CCDC6: variants seen among roughly 807,000 people sequenced by gnomAD.
CCDC6 encodes coiled-coil domain-containing protein 6.
In CCDC6, 20 loss-of-function variants were observed where a neutral mutation model predicts 56.6. That is an observed-to-expected ratio of 0.35 (90% CI 0.25 to 0.51). CCDC6 has a LOEUF of 0.51. Among genes scored for constraint, CCDC6 ranks in the 20% least tolerant of loss-of-function variants. The probability of loss-of-function intolerance (pLI) is 0.95; values close to 1 mark genes in which losing one functional copy is unlikely to be tolerated. For synonymous variants in CCDC6, 241 were observed against 234.4 expected, an observed-to-expected ratio of 1.03 and a Z score of -0.26; for missense variants, 367 against 601.1, an observed-to-expected ratio of 0.61 and a Z score of 4.07.
intron 7 of CCDC6, among the ~76,000 whole-genome samples, chr10:59,797,650 ATGAG>A (rs1165976706): frequency 1.6e-5 from 2 of 125,540 alleles, no homozygotes; most frequent in Non-Finnish European, 3.2e-5. Context: ...GAGTGTGGGC[ATGAG>A]TGAGTGAGAG....
intron 1 of CCDC6, among the ~76,000 whole-genome samples, chr10:59,862,516 T>TATATACACAC (rs1554886091): frequency 4.1e-5 from 4 of 97,204 alleles, no homozygotes; most frequent in African/African-American, 2.0e-4. Context: ...TATATATATA[T>TATATACACAC]ACACACACAC....
At chr10:59,897,100 A>G (rs1185710882) in intron 1 of CCDC6, among the ~76,000 whole-genome samples, 1 of 152,178 alleles carries the variant, frequency 6.6e-6, no homozygotes, top group African/African-American at 2.4e-5. Flanking sequence ...TTTTTCCTCA[A>G]AGATTAGTAG....
rs190979879 is a variant in CCDC6, at chr10:59,829,758, T to C, written c.582+2767A>G. ...CAGTTGCTTAGAGGTTATAGGGGAT[T>C]AGAGGTGACAGATGAATGGTACGGG... On this transcript the variant is annotated intron_variant, in intron 3 of 8. Transcript: ENST00000263102. Among the ~76,000 whole-genome samples the C allele has an allele frequency of 2.3e-3, 347 of 152,276 alleles. 5 individuals are homozygous for C. Among genetic ancestry groups the C allele is most frequent in the Admixed American group, 0.021 (321 of 15,288 alleles).
chr10:59,829,382 G>T (rs2070816190), intron 3 of CCDC6, among the ~76,000 whole-genome samples: 1 of 152,194 alleles, frequency 6.6e-6, no homozygotes, highest in African/African-American at 2.4e-5. Flanking sequence ...CAATTTTAAG[G>T]AGAGTTACCA....
intron 5 of CCDC6, among the ~76,000 whole-genome samples, chr10:59,809,471 C>T (rs2070655097): frequency 6.6e-6 from 1 of 152,154 alleles, no homozygotes; most frequent in African/African-American, 2.4e-5. Context: ...GACAGAGGCA[C>T]AGAGAAGGCA....
Position 59,790,950 on chromosome 10 carries a change from T to C in CCDC6, c.*1967A>G, listed in dbSNP as rs773177296. ...TTGAAATCTATAATCTCATAAAAGA[T>C]TCTTATAAACATATACCATATTTCT... is the stretch of plus-strand genomic sequence containing the variant. On this transcript the variant is annotated 3_prime_UTR_variant, in exon 9 of 9. Transcript: ENST00000263102. 10 of 202,934 alleles carry C rather than the reference T, an allele frequency of 4.9e-5. No individual in the cohort carries two copies. Among genetic ancestry groups the C allele is most frequent in the Non-Finnish European group, 9.1e-5 (9 of 98,662 alleles). 12.6% of individuals were successfully genotyped at this position (202,934 alleles called of 1,614,324 possible).
intron 5 of CCDC6, 31 bp downstream of exon 5, chr10:59,812,604 C>T: frequency 2.0e-6 from 3 of 1,530,914 alleles, no homozygotes; most frequent in Non-Finnish European, 2.7e-6. Flanking sequence ...ATTCTACAGG[C>T]ATGAAACTAG....
rs547122591 is a variant in CCDC6, at chr10:59,812,106, A to C, written c.847+529T>G. ...AACCACAAATAGGAGAGACCCAAGA[A>C]ACTACACAGGGACATAATCAAATAT... On this transcript the variant is annotated intron_variant, in intron 5 of 8. Transcript: ENST00000263102. Among the ~76,000 whole-genome samples, 22 of 151,516 alleles carry C rather than the reference A, an allele frequency of 1.5e-4. No homozygotes were observed. In the East Asian group the frequency reaches 4.1e-3, roughly 28 times the overall value.
Position 59,905,042 on chromosome 10 carries a change from C to T in CCDC6, c.303+1080G>A, listed in dbSNP as rs558816921. ...TTGCAGCAGCTATGGCCATTTATCCCCCTTGATTTCTTGACATCATCTTCT... is the reference window on the plus strand; with the variant it reads ...TTGCAGCAGCTATGGCCATTTATCCTCCTTGATTTCTTGACATCATCTTCT... On this transcript the variant is annotated intron_variant, in intron 1 of 8. Coordinates refer to ENST00000263102, the MANE Select transcript of CCDC6 (RefSeq NM_005436.5). 4.6e-5 allele frequency among the ~76,000 whole-genome samples: 7 copies of T among 152,310 alleles called. No homozygotes were observed. In the South Asian group the frequency reaches 1.5e-3, roughly 32 times the overall value.
chr10:59,868,444 C>CTT (rs2071196614), intron 1 of CCDC6, among the ~76,000 whole-genome samples: 1 of 152,160 alleles, frequency 6.6e-6, no homozygotes. Context: ...CTAGACCGTT[C>CTT]CTGTGATTAA....
chr10:59,885,987 A>G (rs2071380957), intron 1 of CCDC6, among the ~76,000 whole-genome samples: 1 of 143,394 alleles, frequency 7.0e-6, no homozygotes, highest in Admixed American at 7.2e-5. Context: ...AGCACAATGC[A>G]TAGAACAGCC....
chr10:59,842,753 T>A (rs2070951249), intron 2 of CCDC6, among the ~76,000 whole-genome samples: 1 of 123,700 alleles, frequency 8.1e-6, no homozygotes, highest in Admixed American at 7.4e-5. Context: ...GAAGACAATT[T>A]TTTTTTTTTT....
chr10:59,840,215 G>A (rs558175437), intron 2 of CCDC6, among the ~76,000 whole-genome samples: 2 of 152,200 alleles, frequency 1.3e-5, no homozygotes, highest in Non-Finnish European at 2.9e-5. Flanking sequence ...ATACCCAGGA[G>A]AGAAACCACT....
intron 1 of CCDC6, among the ~76,000 whole-genome samples, chr10:59,903,997 T>C (rs950281552): frequency 1.6e-4 from 25 of 152,226 alleles, no homozygotes; most frequent in Non-Finnish European, 3.2e-4. Flanking sequence ...AGCTCCTTAG[T>C]AACAACTGCC....
rs957259004 is a variant in CCDC6 at position 59,788,987 on chromosome 10, G to T, written c.*3930C>A. ...TGTGCACAGATATGCAGAGGCAAAA[G>T]GCATGCTAGCGCTTGGCTCTCCTCT... is the stretch of plus-strand genomic sequence containing the variant. On this transcript the variant is annotated 3_prime_UTR_variant, in exon 9 of 9. Coordinates refer to ENST00000263102, the MANE Select transcript of CCDC6 (RefSeq NM_005436.5). 2.7e-5 allele frequency: 6 copies of T among 219,498 alleles called. No homozygotes were observed. Among genetic ancestry groups the T allele is most frequent in the Non-Finnish European group, 9.1e-6 (1 of 109,502 alleles). 13.6% of individuals were successfully genotyped at this position (219,498 alleles called of 1,614,324 possible).
At chr10:59,803,765 G>A (rs1443257579) in intron 7 of CCDC6, among the ~76,000 whole-genome samples, 2 of 152,194 alleles carry the variant, frequency 1.3e-5, no homozygotes, top group African/African-American at 4.8e-5. Flanking sequence ...AGGTTGTGAG[G>A]GCAAAGCCAG....
chr10:59,859,670 G>C (rs1650268265), intron 1 of CCDC6, among the ~76,000 whole-genome samples: 1 of 152,054 alleles, frequency 6.6e-6, no homozygotes. Flanking sequence ...AAAGCACATA[G>C]GAAGGAAAAT....
At chr10:59,814,562 T>G in intron 4 of CCDC6, 90 bp downstream of exon 4, 1 of 752,548 alleles carries the variant, frequency 1.3e-6, no homozygotes, top group Non-Finnish European at 2.3e-6. Context: ...AGAATTAAGG[T>G]GTCCTACTGC....
chr10:59,864,253 C>T (rs1470718647), intron 1 of CCDC6, among the ~76,000 whole-genome samples: 1 of 152,168 alleles, frequency 6.6e-6, no homozygotes, highest in African/African-American at 2.4e-5. Flanking sequence ...TCTTATTCTT[C>T]CTCTCAGAAT....
Sources: gnomAD v4.1 joint callset for allele counts (sites outside exome capture counted in the v4.1 genomes callset) on GRCh38, gnomAD v4.1.1 for gene constraint, MANE v1.5 for transcripts, NCBI Gene and HGNC (gene_info 2026-07-23, HGNC 2026-07-21) for gene names.